Variants in ADAM8 observed in about 807,000 individuals in gnomAD.
The protein encoded by ADAM8 is disintegrin and metalloproteinase domain-containing protein 8.
In ADAM8, 104 loss-of-function variants were observed where a neutral mutation model predicts 102.4. The observed-to-expected ratio is 1.02, with a 90% CI of 0.87 to 1.20. The LOEUF (loss-of-function observed/expected upper bound fraction) is 1.20, where lower values mean the gene tolerates loss of function less well. ADAM8 is among the 50% of genes most tolerant of loss of function. The pLI is 0.00. For synonymous variants in ADAM8, 517 were observed against 485.2 expected, an observed-to-expected ratio of 1.07 and a Z score of -0.86; for missense variants, 1,132 against 1,159.0, an observed-to-expected ratio of 0.98 and a Z score of 0.34.
chr10:133,268,252 C>T, intron 19 of ADAM8, 134 bp from the exon 20 acceptor site: 1 of 800,258 alleles, frequency 1.2e-6, no homozygotes, highest in Non-Finnish European at 1.7e-6. Flanking sequence ...GAGAGACAGA[C>T]AGGCCCAGGA....
intron 1 of ADAM8, 54 bp downstream of exon 1, chr10:133,276,718 G>T: frequency 6.6e-7 from 1 of 1,518,368 alleles, no homozygotes; most frequent in East Asian, 2.7e-5. Context: ...CGTCCTGCGG[G>T]GAGAGCCACC....
At chr10:133,266,285 G>A (rs1034203507) in intron 21 of ADAM8, among the ~76,000 whole-genome samples, 10 of 152,174 alleles carry the variant, frequency 6.6e-5, no homozygotes, top group South Asian at 2.1e-4. Context: ...GGGTCGCATT[G>A]GTGACGTGGA....
In ADAM8 at chr10:133,273,847, G is replaced by A. The variant is rs529735266; in HGVS notation, c.307-9C>T. 2 of 1,548,914 alleles carry A rather than the reference G, an allele frequency of 1.3e-6. No homozygotes were observed. The highest frequency in any genetic ancestry group is 2.4e-5 in the East Asian group (1 of 41,010). ...TGGTAGAAGCAGTGGTCCTGCGGGG[G>A]AAGCAGGAGAGGGGTCCACAGGCTG... On this transcript the variant is annotated splice_polypyrimidine_tract_variant and intron_variant, in intron 4 of 22. Coordinates refer to ENST00000445355, the MANE Select transcript of ADAM8 (RefSeq NM_001109.5).
At chr10:133,272,080 C>T in intron 10 of ADAM8, 113 bp downstream of exon 10, 1 of 1,514,068 alleles carries the variant, frequency 6.6e-7, no homozygotes, top group Non-Finnish European at 9.0e-7. Flanking sequence ...TAAAATCAGG[C>T]ATTAAACCTG....
intron 7 of ADAM8, 41 bp from the exon 8 acceptor site, chr10:133,272,907 C>A: frequency 6.2e-7 from 1 of 1,611,394 alleles, no homozygotes; most frequent in Non-Finnish European, 8.5e-7. Context: ...CACACACCCC[C>A]CATGCCCCCG....
In ADAM8 at chr10:133,274,833, A is replaced by G. The variant is rs1191488318; in HGVS notation, c.151-598T>C. ...GCAGAGCCTCCTGCTGGACCACTGCATCTCCAGCCCCCATGTGCAGGCTGG... is the reference window on the plus strand; with the variant it reads ...GCAGAGCCTCCTGCTGGACCACTGCGTCTCCAGCCCCCATGTGCAGGCTGG... On this transcript the variant is annotated intron_variant, in intron 2 of 22. Transcript: ENST00000445355. The G allele has an allele frequency of 1.6e-5, 7 of 433,736 alleles. No individual in the cohort carries two copies. The East Asian group carries it at 5.7e-4, about 35-fold the overall frequency. 26.9% of individuals were successfully genotyped at this position (433,736 alleles called of 1,614,324 possible). A position where few individuals can be genotyped will look rare whatever the true frequency, so the allele number is the denominator to read the frequency against.
At chr10:133,276,712 C>T in intron 1 of ADAM8, 60 bp downstream of exon 1, 2 of 1,516,234 alleles carry the variant, frequency 1.3e-6, no homozygotes. Context: ...GCGTCGCGTC[C>T]TGCGGGGAGA....
intron 12 of ADAM8, 65 bp from the exon 13 acceptor site, chr10:133,271,354 G>A: frequency 1.1e-5 from 17 of 1,550,460 alleles, no homozygotes; most frequent in Non-Finnish European, 1.5e-5. Context: ...GGGCGGACCT[G>A]GCCGCCTCCC....
chr10:133,276,627 G>C, intron 1 of ADAM8, 145 bp downstream of exon 1: 1 of 1,257,408 alleles, frequency 8.0e-7, no homozygotes, highest in East Asian at 3.1e-5. Flanking sequence ...CTGTGCACCT[G>C]ATGGCCCGCT....
intron 2 of ADAM8, 72 bp downstream of exon 2, chr10:133,275,412 A>C: frequency 8.3e-7 from 1 of 1,207,164 alleles, no homozygotes; most frequent in South Asian, 1.4e-5. Context: ...ACTTTCTGTA[A>C]GCTAAAGCTC....
chr10:133,264,774 T>C (rs1198236583), intron 21 of ADAM8, among the ~76,000 whole-genome samples: 1 of 147,410 alleles, frequency 6.8e-6, no homozygotes, highest in Non-Finnish European at 1.5e-5. Flanking sequence ...CTCTGCCGCA[T>C]CTACCTCCAT....
At chr10:133,267,895 T>G in intron 20 of ADAM8, 34 bp downstream of exon 20, 1 of 1,256,176 alleles carries the variant, frequency 8.0e-7, no homozygotes, top group South Asian at 3.6e-5. Flanking sequence ...GGCACTGCTT[T>G]CGGCCTCATG....
rs770992990 is a variant in ADAM8, at chr10:133,271,668, C to T, written c.1144G>A (p.Ala382Thr). Residue 382 changes from alanine (A) to threonine (T), a missense_variant, in exon 12 of 23, where the codon GCC becomes ACC. By Grantham distance (58) the Ala-to-Thr change is moderately conservative. Coordinates refer to ENST00000445355, the MANE Select transcript of ADAM8 (RefSeq NM_001109.5). ...FPRMFSDCSQ[A>T]YLESFLERPQ... ...CGCTCCAAAAAGCTCTCCAGGTAGG[C>T]CTGGCTGCAGTCACTGAACATCCTG... The T allele has an allele frequency of 3.2e-6, 5 of 1,566,470 alleles. No individual in the cohort carries two copies. The East Asian group carries it at 1.2e-4, about 37-fold the overall frequency.
In ADAM8 at chr10:133,268,858, G is replaced by T. The variant is rs145280583; in HGVS notation, c.1953C>A (p.Ser651=). Residue 651 remains serine (S), a synonymous_variant, in exon 19 of 23, where the codon TCC becomes TCA. Coordinates refer to ENST00000445355, the MANE Select transcript of ADAM8 (RefSeq NM_001109.5). ...AKLLTEVHAA[S]GSLPVFVVVV... ...CCACCACGAAGACGGGGAGGCTCCC[G>T]GACGCTGTGGGACACACGGCCCCAC... The T allele has an allele frequency of 1.2e-5, 20 of 1,604,942 alleles. No homozygotes were observed. Among genetic ancestry groups the T allele is most frequent in the African/African-American group, 2.7e-5 (2 of 74,916 alleles).
intron 5 of ADAM8, 97 bp from the exon 6 acceptor site, chr10:133,273,540 C>T: frequency 1.4e-6 from 2 of 1,390,802 alleles, no homozygotes; most frequent in Non-Finnish European, 1.9e-6. Context: ...ACAGCTCCCC[C>T]TACCCTGCCA....
intron 5 of ADAM8, 62 bp from the exon 6 acceptor site, chr10:133,273,505 G>A: frequency 6.8e-7 from 1 of 1,466,840 alleles, no homozygotes; most frequent in Non-Finnish European, 9.1e-7. Context: ...TGCCCCGAAG[G>A]ACCAGAGGCT....
Position 133,267,541 on chromosome 10 carries a change from A to G in ADAM8, c.2254-124T>C, listed in dbSNP as rs567061020. On this transcript the variant is annotated intron_variant, in intron 20 of 22. Coordinates refer to ENST00000445355, the MANE Select transcript of ADAM8 (RefSeq NM_001109.5). ...TGCTGGAGGCGTCTGCGCGGCCCAC[A>G]GGGCCCCACCCCAGATGAGAGGCCC... The G allele has an allele frequency of 2.3e-5, 22 of 972,692 alleles. No homozygotes were observed. The East Asian group carries it at 2.6e-4, about 12-fold the overall frequency. The allele number at this position is 972,692 out of a possible 1,614,324, so 60.3% of individuals were successfully genotyped here. A position where few individuals can be genotyped will look rare whatever the true frequency, so the allele number is the denominator to read the frequency against.
chr10:133,273,410 C>A lies in ADAM8; in HGVS notation c.417G>T (p.Leu139=). The change falls in exon 6 of 23, where the codon CTG becomes CTT. Residue 139 remains leucine, a synonymous_variant. Transcript: ENST00000445355. ...CGCCACCTTCATCCAGGGGCTCGATCAGGTGCAGGTCTGACCCCACCTGGA... is the reference window on the plus strand; with the variant it reads ...CGCCACCTTCATCCAGGGGCTCGATAAGGTGCAGGTCTGACCCCACCTGGA... ...GFFQVGSDLH[L]IEPLDEGGEG... is the part of the protein sequence containing the mutation. 1 of 1,548,452 alleles carries A rather than the reference C, an allele frequency of 6.5e-7. No individual in the cohort carries two copies. Among genetic ancestry groups the A allele is most frequent in the South Asian group, 1.2e-5 (1 of 84,010 alleles).
Position 133,273,330 on chromosome 10 carries a change from G to C in ADAM8, c.497C>G (p.Thr166Ser). 1 of 1,576,070 alleles carries C rather than the reference G, an allele frequency of 6.3e-7. No homozygotes were observed. Among genetic ancestry groups the C allele is most frequent in the Non-Finnish European group, 8.6e-7 (1 of 1,161,908 alleles). ...QAEHLLQTAG[T>S]CGVSDDSLGS... Reference sequence around the variant, plus strand: ...CAGGCTGTCGTCGCTGACCCCGCAGGTCCCGGCCGTCTGCAGCAGGTGCTC... The same window carrying C: ...CAGGCTGTCGTCGCTGACCCCGCAGCTCCCGGCCGTCTGCAGCAGGTGCTC... The change falls in exon 6 of 23, where the codon ACC becomes AGC. Residue 166 changes from threonine (T) to serine (S), a missense_variant. Physicochemically the swap from Thr to Ser is moderately conservative, Grantham distance 58. Transcript: ENST00000445355.
Sources: allele counts gnomAD v4.1 joint callset (sites outside exome capture counted in the v4.1 genomes callset), GRCh38; gene constraint gnomAD v4.1.1; transcripts MANE v1.5; gene names NCBI Gene and HGNC (gene_info 2026-07-23, HGNC 2026-07-21).